UVRAG: variants seen among roughly 807,000 people sequenced by gnomAD.
UVRAG encodes UV radiation resistance-associated gene protein.
A neutral mutation model predicts 78.0 loss-of-function variants in UVRAG; 19 were observed. That is an observed-to-expected ratio of 0.24 (90% confidence interval 0.17 to 0.36). UVRAG has a LOEUF of 0.36. Among genes scored for constraint, UVRAG ranks in the 10% least tolerant of loss-of-function variants. UVRAG has a pLI of 1.00. For synonymous variants in UVRAG, 323 were observed against 324.6 expected (o/e 1.00, Z 0.05); for missense variants, 740 against 853.8 (o/e 0.87, Z 1.66).
At chr11:75,978,318 A>G (rs1285591015) in intron 7 of UVRAG, among the ~76,000 whole-genome samples, 1 of 151,886 alleles carries the variant, frequency 6.6e-6, no homozygotes, top group Non-Finnish European at 1.5e-5. Flanking sequence ...CTTCATTTCA[A>G]CTTTGGTGAA....
chr11:75,895,572 A>G (rs1947325096), intron 5 of UVRAG, among the ~76,000 whole-genome samples: 1 of 151,370 alleles, frequency 6.6e-6, no homozygotes, highest in Admixed American at 6.6e-5. Context: ...GGAGTGATAT[A>G]TTCTGGTTAA....
Position 75,857,496 on chromosome 11 carries a change from C to G in UVRAG, c.236-4250C>G, listed in dbSNP as rs573315276. ...TTGCAGATCTTTCTTTTTCCCCCCC[C>G]CTTTTTTTTTTGAGATGGAGTCTCG... On this transcript the variant is annotated intron_variant, in intron 2 of 14. Transcript: ENST00000356136. Among the ~76,000 whole-genome samples the G allele has an allele frequency of 2.4e-3, 365 of 151,636 alleles. 1 individual carries two copies. The highest frequency in any genetic ancestry group is 0.016 in the East Asian group (81 of 5,110).
At chr11:75,876,019 G>GA (rs1345534795) in intron 3 of UVRAG, among the ~76,000 whole-genome samples, 1 of 149,888 alleles carries the variant, frequency 6.7e-6, no homozygotes, top group Non-Finnish European at 1.5e-5. Context: ...ACCCCAAAAA[G>GA]AAAAAAAGAA....
chr11:75,882,743 T>C (rs909867702), intron 4 of UVRAG, among the ~76,000 whole-genome samples: 4 of 152,184 alleles, frequency 2.6e-5, no homozygotes, highest in Non-Finnish European at 5.9e-5. Flanking sequence ...TCTCTACTTC[T>C]ATGAGTTCAA....
rs527768272 is a variant in UVRAG, at chr11:76,111,675, G to GA, written c.1306-4243dup. The stretch of plus-strand genomic sequence containing the variant: ...CTCAAGACAGAGGATTCTTTCTGAG[G>GA]AAAAAACAGAGGCAGCAATGAAAAG... On this transcript the variant is annotated intron_variant, in intron 13 of 14. Coordinates refer to ENST00000356136, the MANE Select transcript of UVRAG (RefSeq NM_003369.4). Among the ~76,000 whole-genome samples, 10 of 152,114 alleles carry GA rather than the reference G, an allele frequency of 6.6e-5. No homozygotes were observed. In the South Asian group the frequency reaches 1.7e-3, roughly 25 times the overall value.
At chr11:75,902,400 A>G (rs766344187) in intron 5 of UVRAG, among the ~76,000 whole-genome samples, 67 of 152,176 alleles carry the variant, frequency 4.4e-4, no homozygotes, top group Non-Finnish European at 8.5e-4. Context: ...AGCTCCCATG[A>G]AAATCTAATG....
intron 12 of UVRAG, among the ~76,000 whole-genome samples, chr11:76,025,049 G>A (rs1950304356): frequency 6.6e-6 from 1 of 152,160 alleles, no homozygotes; most frequent in African/African-American, 2.4e-5. Context: ...TGCTGGAAGA[G>A]AAAAAGACCG....
intron 13 of UVRAG, among the ~76,000 whole-genome samples, chr11:76,106,264 T>C (rs1951967291): frequency 6.6e-6 from 1 of 152,208 alleles, no homozygotes; most frequent in Non-Finnish European, 1.5e-5. Flanking sequence ...ATTTCTACAA[T>C]GTTCTGGAAA....
chr11:76,112,862 G>A (rs144469504), intron 13 of UVRAG, among the ~76,000 whole-genome samples: 1,622 of 152,030 alleles, frequency 0.011, 16 homozygotes, highest in Middle Eastern at 0.034. Context: ...GAGTAGCTGG[G>A]ACCATAGGCA....
chr11:75,885,362 A>G (rs1288671086), intron 4 of UVRAG, among the ~76,000 whole-genome samples: 2 of 152,052 alleles, frequency 1.3e-5, no homozygotes, highest in Non-Finnish European at 2.9e-5. Context: ...ACAATTGTAT[A>G]CCTCTTCAGT....
chr11:75,904,088 AT>A (rs1947565778), intron 5 of UVRAG, among the ~76,000 whole-genome samples: 1 of 152,250 alleles, frequency 6.6e-6, no homozygotes, highest in Non-Finnish European at 1.5e-5. Context: ...TAAAGAAAAA[AT>A]AAGACTATGT....
chr11:75,962,719 A>C (rs1003229738), intron 7 of UVRAG, among the ~76,000 whole-genome samples: 1 of 152,138 alleles, frequency 6.6e-6, no homozygotes, highest in African/African-American at 2.4e-5. Flanking sequence ...AAAATCACTA[A>C]TTTTAATTCT....
At chr11:76,015,389 A>G (rs2135365301) in intron 11 of UVRAG, among the ~76,000 whole-genome samples, 1 of 152,224 alleles carries the variant, frequency 6.6e-6, no homozygotes, top group East Asian at 1.9e-4. Flanking sequence ...ATGAGACAGT[A>G]CAGTAGACTG....
intron 2 of UVRAG, among the ~76,000 whole-genome samples, chr11:75,860,173 G>C (rs1247247668): frequency 6.6e-6 from 1 of 152,216 alleles, no homozygotes; most frequent in African/African-American, 2.4e-5. Context: ...TTGAACTGCT[G>C]ACTTCAGGTG....
At chr11:75,893,815 C>G (rs1302641409) in intron 5 of UVRAG, among the ~76,000 whole-genome samples, 1 of 150,894 alleles carries the variant, frequency 6.6e-6, no homozygotes, top group East Asian at 1.9e-4. Context: ...TGCACTCTAG[C>G]CTATGTGACA....
rs191390680 is a variant in UVRAG at position 75,847,700 on chromosome 11, G to A, written c.118-4183G>A. On this transcript the variant is annotated intron_variant, in intron 1 of 14. Transcript: ENST00000356136. ...AAAGAGTTTATTAGCGACTGGGCAC[G>A]GTGGCTCACGCCTGTAATCCCAGCA... 3.3e-5 allele frequency among the ~76,000 whole-genome samples: 5 copies of A among 152,202 alleles called. No individual in the cohort carries two copies. In the East Asian group the frequency reaches 9.7e-4, roughly 30 times the overall value.
Position 75,851,938 on chromosome 11 carries a change from G to A in UVRAG, c.173G>A (p.Gly58Asp). 6.2e-7 allele frequency: 1 copy of A among 1,614,000 alleles called. No individual in the cohort carries two copies. The highest frequency in any genetic ancestry group is 1.1e-5 in the South Asian group (1 of 91,046). The change falls in exon 2 of 15, where the codon GGC (glycine) becomes GAC (aspartate). Residue 58 changes from glycine to aspartate, a missense_variant. Coordinates refer to ENST00000356136, the MANE Select transcript of UVRAG (RefSeq NM_003369.4). ...IAARNIVNRN[G>D]HQLLDTYFTL... ...GCCCGGAACATTGTTAATAGAAATG[G>A]CCATCAGCTCCTTGATACCTACTTT...
intron 6 of UVRAG, among the ~76,000 whole-genome samples, chr11:75,922,984 A>G (rs906615700): frequency 6.9e-6 from 1 of 145,412 alleles, no homozygotes; most frequent in African/African-American, 2.6e-5. Context: ...AGAAAAAAAT[A>G]TATATACATA....
At chr11:76,060,460 G>A (rs914553762) in intron 12 of UVRAG, among the ~76,000 whole-genome samples, 1 of 152,234 alleles carries the variant, frequency 6.6e-6, no homozygotes, top group Non-Finnish European at 1.5e-5. Flanking sequence ...TCCCACTTTG[G>A]CGGCACTTGA....
Sources: allele counts gnomAD v4.1 joint callset (sites outside exome capture counted in the v4.1 genomes callset), GRCh38; gene constraint gnomAD v4.1.1; transcripts MANE v1.5; gene names NCBI Gene and HGNC (gene_info 2026-07-23, HGNC 2026-07-21).